CSMD2: variants seen among roughly 807,000 people sequenced by gnomAD.
CSMD2 encodes CUB and sushi domain-containing protein 2.
A neutral mutation model predicts 398.5 loss-of-function variants in CSMD2; 130 were observed. The observed-to-expected ratio is 0.33, with a 90% confidence interval of 0.28 to 0.38. The LOEUF is 0.38. Among genes scored for constraint, CSMD2 ranks in the 10% least tolerant of loss-of-function variants. CSMD2 has a pLI of 1.00. For synonymous variants in CSMD2, 1,828 were observed against 1,908.5 expected, an observed-to-expected ratio of 0.96 and a Z score of 1.10; for missense variants, 3,829 against 4,764.9, an observed-to-expected ratio of 0.80 and a Z score of 5.78.
intron 2 of CSMD2, among the ~76,000 whole-genome samples, chr1:34,053,201 A>C (rs1208012542): frequency 6.6e-6 from 1 of 152,184 alleles, no homozygotes; most frequent in Non-Finnish European, 1.5e-5. Flanking sequence ...TAATAGAATA[A>C]GCAAGTTCAT....
intron 3 of CSMD2, among the ~76,000 whole-genome samples, chr1:34,024,737 C>T (rs1447221153): frequency 6.6e-6 from 1 of 152,204 alleles, no homozygotes; most frequent in Non-Finnish European, 1.5e-5. Context: ...CATTGGCCTG[C>T]TGTTCTGCTG....
chr1:33,647,627 G>A (rs1391399165), intron 28 of CSMD2, among the ~76,000 whole-genome samples: 2 of 152,070 alleles, frequency 1.3e-5, no homozygotes, highest in Non-Finnish European at 2.9e-5. Flanking sequence ...GCATTAAGAA[G>A]GACAAGATAT....
At chr1:34,074,429 C>T (rs1452640729) in intron 2 of CSMD2, among the ~76,000 whole-genome samples, 4 of 152,206 alleles carry the variant, frequency 2.6e-5, no homozygotes, top group African/African-American at 9.6e-5. Context: ...TATACACCAG[C>T]CAAAATGAAC....
intron 25 of CSMD2, among the ~76,000 whole-genome samples, chr1:33,666,829 C>T (rs1644332506): frequency 6.6e-6 from 1 of 152,070 alleles, no homozygotes; most frequent in African/African-American, 2.4e-5. Context: ...AATCAGCAGC[C>T]AAGAGGAGAC....
intron 23 of CSMD2, among the ~76,000 whole-genome samples, chr1:33,700,009 C>T (rs1239638233): frequency 5.5e-5 from 2 of 36,306 alleles, no homozygotes; most frequent in African/African-American, 3.3e-4. Context: ...TACTTTACTC[C>T]ATTTTTTTTT....
chr1:34,089,517 A>G (rs1411573343), intron 1 of CSMD2, among the ~76,000 whole-genome samples: 2 of 152,152 alleles, frequency 1.3e-5, no homozygotes, highest in Admixed American at 6.5e-5. Flanking sequence ...TCCCCTCTAC[A>G]ACATGGAATG....
intron 12 of CSMD2, among the ~76,000 whole-genome samples, chr1:33,777,292 G>A (rs540289767): frequency 1.7e-4 from 26 of 152,232 alleles, no homozygotes; most frequent in South Asian, 4.1e-4. Context: ...AAGATTGGGT[G>A]GAAGGAAGAG....
chr1:33,720,422 G>A (rs529658202), intron 19 of CSMD2, among the ~76,000 whole-genome samples: 1 of 152,324 alleles, frequency 6.6e-6, no homozygotes, highest in East Asian at 1.9e-4. Context: ...GGGAGAGGGG[G>A]TCAGGGAAGG....
intron 2 of CSMD2, among the ~76,000 whole-genome samples, chr1:34,034,078 A>G (rs1037626239): frequency 6.6e-6 from 1 of 152,184 alleles, no homozygotes; most frequent in Non-Finnish European, 1.5e-5. Context: ...CTCATCAAAA[A>G]TGTATACATA....
Position 33,636,622 on chromosome 1 carries a change from C to A in CSMD2, c.4775-68G>T. The A allele has an allele frequency of 7.2e-7, 1 of 1,395,278 alleles. No homozygotes were observed. The highest frequency in any genetic ancestry group is 1.8e-5 in the Admixed American group (1 of 54,372). The allele number at this position is 1,395,278 out of a possible 1,614,324, so 86.4% of individuals were successfully genotyped here. A position where few individuals can be genotyped will look rare whatever the true frequency, so the allele number is the denominator to read the frequency against. On this transcript the variant is annotated intron_variant, in intron 29 of 70. Transcript: ENST00000373381. This position sits in a 1 kb window ranked among gnomAD's most constrained non-coding sequence, Gnocchi z 4.8. Reference sequence around the variant, plus strand: ...TCATGAGGAGGCTATTCTTGGGCTCCAGTGCCCATGAGGAGAACCCGACTT... The same window carrying A: ...TCATGAGGAGGCTATTCTTGGGCTCAAGTGCCCATGAGGAGAACCCGACTT...
chr1:34,080,332 T>C (rs1040544161), intron 2 of CSMD2, among the ~76,000 whole-genome samples: 3 of 152,052 alleles, frequency 2.0e-5, no homozygotes, highest in Non-Finnish European at 4.4e-5. Context: ...GAGAGCAATA[T>C]ATTGCCTATC....
intron 44 of CSMD2, among the ~76,000 whole-genome samples, chr1:33,596,298 C>T (rs4653250): frequency 0.18 from 28,054 of 151,802 alleles, 2,858 homozygotes; most frequent in South Asian, 0.25. Context: ...GCTCATCCTG[C>T]GCAGAGCTCT....
rs574157499 is a variant in CSMD2, at chr1:33,928,398, C to T, written c.712+7362G>A. On this transcript the variant is annotated intron_variant, in intron 4 of 70. Coordinates refer to ENST00000373381, the MANE Select transcript of CSMD2 (RefSeq NM_001281956.2). ...AATATGGTGGCCAGTGAGGCTGTGGCAGTGAGAATGACAATGATAGATACC... is the reference window on the plus strand; with the variant it reads ...AATATGGTGGCCAGTGAGGCTGTGGTAGTGAGAATGACAATGATAGATACC... 4.6e-5 allele frequency among the ~76,000 whole-genome samples: 7 copies of T among 152,300 alleles called. No individual in the cohort carries two copies. The South Asian group carries it at 1.0e-3, about 23-fold the overall frequency.
At chr1:33,889,069 C>G (rs1641805061) in intron 5 of CSMD2, among the ~76,000 whole-genome samples, 1 of 152,136 alleles carries the variant, frequency 6.6e-6, no homozygotes, top group Admixed American at 6.5e-5. Context: ...TGCGCCCGGC[C>G]AAGATCAACT....
chr1:33,623,548 G>A (rs900312906), intron 35 of CSMD2, 82 bp from the exon 36 acceptor site: 32 of 955,336 alleles, frequency 3.3e-5, no homozygotes, highest in African/African-American at 1.4e-4. Context: ...TGCCCTTCCC[G>A]TAGTTAATTC....
At chr1:33,914,321 G>A (rs963698105) in intron 5 of CSMD2, among the ~76,000 whole-genome samples, 1 of 152,138 alleles carries the variant, frequency 6.6e-6, no homozygotes, top group Admixed American at 6.5e-5. Flanking sequence ...CTGGGGGTGA[G>A]GGATGACTTG....
In CSMD2 at chr1:33,714,704, C is replaced by T. The variant is rs141181841; in HGVS notation, c.3289G>A (p.Val1097Met). The T allele has an allele frequency of 1.6e-5, 26 of 1,614,034 alleles. No individual in the cohort carries two copies. The highest frequency in any genetic ancestry group is 3.3e-4 in the Middle Eastern group (2 of 6,084). ...YSIRKGLQFG[V>M]GDTLTFSCFP... ...CAGGAGAAGGTCAAGGTGTCGCCCA[C>T]GCCAAACTGCAAGCCCTTCCGGATG... The change falls in exon 21 of 71, where the codon GTG becomes ATG. Residue 1097 changes from valine (V) to methionine (M), a missense_variant. By Grantham distance (21) the Val-to-Met change is conservative. Transcript: ENST00000373381.
At chr1:33,557,546 C>T (rs1486715770) in intron 55 of CSMD2, among the ~76,000 whole-genome samples, 188 bp downstream of exon 55, 1 of 151,926 alleles carries the variant, frequency 6.6e-6, no homozygotes, top group African/African-American at 2.4e-5. Flanking sequence ...CCAACAGAGG[C>T]TCAAGAAGGA....
rs369662171 is a variant in CSMD2, at chr1:33,635,366, T to C, written c.4970-36A>G. The C allele has an allele frequency of 7.7e-7, 1 of 1,293,570 alleles. No individual in the cohort carries two copies. Among genetic ancestry groups the C allele is most frequent in the Non-Finnish European group, 1.1e-6 (1 of 893,988 alleles). The allele number at this position is 1,293,570 out of a possible 1,614,324, so 80.1% of individuals were successfully genotyped here. A position where few individuals can be genotyped will look rare whatever the true frequency, so the allele number is the denominator to read the frequency against. On this transcript the variant is annotated intron_variant, in intron 30 of 70. Transcript: ENST00000373381. The surrounding 1 kb of genome is among the most constrained non-coding windows in gnomAD (Gnocchi z 5.0). ...AACCAGATAGAGAGTCAGGTGACCT[T>C]GTGGGCCTCTTACCAGTGACCATCC...
Sources: allele counts gnomAD v4.1 joint callset (sites outside exome capture counted in the v4.1 genomes callset), GRCh38; gene constraint gnomAD v4.1.1; non-coding constraint Gnocchi (gnomAD v3.1); transcripts MANE v1.5; gene names NCBI Gene and HGNC (gene_info 2026-07-23, HGNC 2026-07-21).